The following SCML1 variants were observed in gnomAD, a reference collection of about 807,000 sequenced individuals.
SCML1 encodes Scm polycomb group protein like 1.
For synonymous variants in SCML1, 104 were observed against 103.6 expected (o/e 1.00, Z -0.02); for missense variants, 137 against 258.1 (o/e 0.53, Z 3.22).
At position 17,754,277 on chromosome X, in the gene SCML1, T is replaced by A. The variant is rs186544116; in HGVS notation, c.*885T>A. The A allele has an allele frequency of 7.9e-4, 89 of 112,381 alleles. No homozygotes were observed. Among genetic ancestry groups the A allele is most frequent in the African/African-American group, 2.7e-3 (83 of 31,030 alleles). 9.3% of individuals were successfully genotyped at this position (112,381 alleles called of 1,213,427 possible). A position where few individuals can be genotyped will look rare whatever the true frequency, so the allele number is the denominator to read the frequency against. On this transcript the variant is annotated 3_prime_UTR_variant, in exon 8 of 8. Coordinates refer to ENST00000380041, the MANE Select transcript of SCML1 (RefSeq NM_001037540.3). ...TATATTTTATTCTCACCCGAAGTAT[T>A]CACACAATCTTTTTAAAAAAAATTT...
intron 1 of SCML1, among the ~76,000 whole-genome samples, chrX:17,742,133 T>A (rs1031457591): frequency 9.2e-6 from 1 of 108,712 alleles, no homozygotes; most frequent in African/African-American, 3.5e-5. Flanking sequence ...ACCCAGAGAG[T>A]TTTTTTTATA....
rs1461704279 is a variant in SCML1, at chrX:17,749,729, ATACAAT to A, written c.304-162_304-157del. The stretch of plus-strand genomic sequence containing the variant: ...TATGTTTGTAATTATAATGTGTAAA[ATACAAT>A]TAAAATGTAGGATTGAAGAATTATA... On this transcript the variant is annotated intron_variant, in intron 5 of 7. Coordinates refer to ENST00000380041, the MANE Select transcript of SCML1 (RefSeq NM_001037540.3). 5.6e-6 allele frequency: 3 copies of A among 539,335 alleles called. No homozygotes were observed. The African/African-American group carries it at 7.1e-5, about 13-fold the overall frequency. The allele number at this position is 539,335 out of a possible 1,213,427, so 44.4% of individuals were successfully genotyped here.
chrX:17,750,123 C>T lies in SCML1; in HGVS notation c.533C>T (p.Thr178Ile). 8.3e-7 allele frequency: 1 copy of T among 1,212,079 alleles called. No individual in the cohort carries two copies. Among genetic ancestry groups the T allele is most frequent in the Non-Finnish European group, 1.1e-6 (1 of 895,541 alleles). ...GAGGAGGACCCGATCCTCAGCCGCACTCCGAGTCCAGTGCATCCCTCAGAT... is the reference window on the plus strand; with the variant it reads ...GAGGAGGACCCGATCCTCAGCCGCATTCCGAGTCCAGTGCATCCCTCAGAT... The part of the protein sequence containing the change: ...ELEEDPILSR[T>I]PSPVHPSDFS... Residue 178 changes from threonine to isoleucine, a missense_variant, in exon 6 of 8, where the codon ACT (threonine) becomes ATT (isoleucine). Physicochemically the swap from Thr to Ile is moderately conservative, Grantham distance 89 (BLOSUM62 -1). Transcript: ENST00000380041.
At chrX:17,748,790 A>G (rs2077176432) in intron 4 of SCML1, among the ~76,000 whole-genome samples, 1 of 111,899 alleles carries the variant, frequency 8.9e-6, no homozygotes, top group African/African-American at 3.3e-5. Context: ...TGTGTATTTC[A>G]AGAAGAATTC....
Position 17,753,424 on chromosome X carries a change from A to G in SCML1, c.*32A>G, listed in dbSNP as rs779665071. ...CCTTGTGCAAATTTAGATTGGGCCA[A>G]CTTCTAGAGGCACCAATGCCTTCTT... On this transcript the variant is annotated 3_prime_UTR_variant, in exon 8 of 8. Transcript: ENST00000380041. 9.3e-7 allele frequency: 1 copy of G among 1,071,521 alleles called. No homozygotes were observed. Among genetic ancestry groups the G allele is most frequent in the South Asian group, 2.8e-5 (1 of 35,520 alleles). 88.3% of individuals were successfully genotyped at this position (1,071,521 alleles called of 1,213,427 possible).
At chrX:17,742,410 G>A (rs1395838708) in intron 1 of SCML1, among the ~76,000 whole-genome samples, 1 of 111,860 alleles carries the variant, frequency 8.9e-6, no homozygotes, top group Non-Finnish European at 1.9e-5. Flanking sequence ...CTCACCCCAA[G>A]AACATTAAGA....
intron 4 of SCML1, among the ~76,000 whole-genome samples, chrX:17,748,402 C>T (rs191079644): frequency 1.8e-5 from 2 of 111,323 alleles, no homozygotes; most frequent in Admixed American, 9.5e-5. Flanking sequence ...ACGGGGGTTT[C>T]GCCATGTTGC....
rs1056133889 is a variant in SCML1, at chrX:17,753,398, T to A, written c.*6T>A. 1 of 1,123,056 alleles carries A rather than the reference T, an allele frequency of 8.9e-7. No homozygotes were observed. 92.6% of individuals were successfully genotyped at this position (1,123,056 alleles called of 1,213,427 possible). ...GAAAATGCTTTGAAAATTGAAAAAA[T>A]CCTTGTGCAAATTTAGATTGGGCCA... On this transcript the variant is annotated 3_prime_UTR_variant, in exon 8 of 8. Coordinates refer to ENST00000380041, the MANE Select transcript of SCML1 (RefSeq NM_001037540.3).
intron 4 of SCML1, among the ~76,000 whole-genome samples, chrX:17,746,946 G>T (rs2066647942): frequency 8.9e-6 from 1 of 112,330 alleles, no homozygotes; most frequent in Non-Finnish European, 1.9e-5. Flanking sequence ...CAAGGGGCTG[G>T]CTCTTTCTTC....
rs1222079783 is a variant in SCML1 at position 17,749,944 on chromosome X, A to G, written c.354A>G (p.Lys118=). The G allele has an allele frequency of 8.3e-7, 1 of 1,208,776 alleles. No individual in the cohort carries two copies. The highest frequency in any genetic ancestry group is 1.8e-5 in the South Asian group (1 of 56,738). The change falls in exon 6 of 8, where the codon AAA becomes AAG. Residue 118 remains lysine (K), a synonymous_variant. Transcript: ENST00000380041. Reference sequence around the variant, plus strand: ...CTTACCGGCTTGTTAAAAAGCTTAAACTCCAGAAAATGAAGAAAAATGAGG... The same window carrying G: ...CTTACCGGCTTGTTAAAAAGCTTAAGCTCCAGAAAATGAAGAAAAATGAGG... ...KHSYRLVKKL[K]LQKMKKNEVY... is the part of the protein sequence containing the mutation.
At chrX:17,746,609 A>G (rs1266892024) in intron 4 of SCML1, among the ~76,000 whole-genome samples, 2 of 112,402 alleles carry the variant, frequency 1.8e-5, no homozygotes, top group Non-Finnish European at 3.8e-5. Context: ...TTATATATAT[A>G]TAATGTTTCT....
chrX:17,748,689 A>G (rs1261982722), intron 4 of SCML1, among the ~76,000 whole-genome samples: 1 of 111,828 alleles, frequency 8.9e-6, no homozygotes, highest in Non-Finnish European at 1.9e-5. Flanking sequence ...TATTTCAAGA[A>G]GAATTCTCAG....
intron 6 of SCML1, 124 bp from the exon 7 acceptor site, chrX:17,751,691 T>C: frequency 2.7e-6 from 2 of 731,085 alleles, no homozygotes; most frequent in Non-Finnish European, 4.0e-6. Context: ...GACTCCTTGC[T>C]AGGAACATCA....
chrX:17,741,266 T>C (rs2147163106), intron 1 of SCML1, among the ~76,000 whole-genome samples: 1 of 111,965 alleles, frequency 8.9e-6, no homozygotes, highest in South Asian at 3.7e-4. Flanking sequence ...TTTGTGCTCC[T>C]GTGCGAATCT....
intron 4 of SCML1, among the ~76,000 whole-genome samples, chrX:17,748,975 T>A (rs1254257337): frequency 8.9e-6 from 1 of 112,860 alleles, no homozygotes; most frequent in Non-Finnish European, 1.9e-5. Context: ...TGTCTGTATA[T>A]AATATAGACT....
intron 4 of SCML1, among the ~76,000 whole-genome samples, chrX:17,746,604 T>C (rs1288642294): frequency 1.1e-4 from 12 of 112,466 alleles, no homozygotes; most frequent in South Asian, 3.6e-4. Context: ...AAGGTTTATA[T>C]ATATATAATG....
chrX:17,738,503 C>T (rs1352590693), intron 1 of SCML1, among the ~76,000 whole-genome samples: 1 of 112,455 alleles, frequency 8.9e-6, no homozygotes, highest in Non-Finnish European at 1.9e-5. Context: ...GCGGCAAGTG[C>T]TGGGCGATGG....
intron 7 of SCML1, 63 bp from the exon 8 acceptor site, chrX:17,753,195 C>G (rs921963417): frequency 7.2e-5 from 71 of 979,834 alleles, no homozygotes; most frequent in Non-Finnish European, 8.9e-5. Context: ...TCATAAAGAA[C>G]TAACCATTCT....
intron 1 of SCML1, chrX:17,737,885 T>TG (rs1211580349): frequency 1.8e-5 from 2 of 111,552 alleles, no homozygotes; most frequent in African/African-American, 6.5e-5. Context: ...TGCCCGCGCG[T>TG]GTAAGCTTTT....
Sources: allele counts gnomAD v4.1 joint callset (sites outside exome capture counted in the v4.1 genomes callset), GRCh38; gene constraint gnomAD v4.1.1; transcripts MANE v1.5; gene names NCBI Gene and HGNC (gene_info 2026-07-23, HGNC 2026-07-21).